The following STK39 variants were observed in gnomAD, a reference collection of about 807,000 sequenced individuals.
The protein encoded by STK39 is serine/threonine kinase 39.
In STK39, 20 loss-of-function variants were observed where a neutral mutation model predicts 77.8. The observed-to-expected ratio is 0.26, with a 90% CI of 0.18 to 0.37. The LOEUF (loss-of-function observed/expected upper bound fraction) is 0.37. STK39 is among the 10% of genes least tolerant of loss of function. STK39 has a pLI of 1.00. For missense variants in STK39, 479 were observed against 656.5 expected (o/e 0.73, Z 2.95); for synonymous variants, 246 against 234.1 (o/e 1.05, Z -0.47).
intron 1 of STK39, among the ~76,000 whole-genome samples, chr2:168,230,480 A>T (rs963273434): frequency 1.3e-5 from 2 of 152,210 alleles, no homozygotes; most frequent in African/African-American, 4.8e-5. Flanking sequence ...ACCATCTTAA[A>T]AGAGCCCCAG....
chr2:168,056,245 C>T (rs1001192665), intron 14 of STK39, among the ~76,000 whole-genome samples: 9 of 151,666 alleles, frequency 5.9e-5, no homozygotes, highest in African/African-American at 1.9e-4. Context: ...TACCTGTAGC[C>T]ACAACGTATT....
chr2:168,100,150 T>A (rs989946616), intron 10 of STK39, among the ~76,000 whole-genome samples: 1 of 152,242 alleles, frequency 6.6e-6, no homozygotes, highest in African/African-American at 2.4e-5. Flanking sequence ...TTTTGCAGAC[T>A]ATTTCAAGGT....
At chr2:168,218,126 G>C (rs1012767681) in intron 1 of STK39, among the ~76,000 whole-genome samples, 1 of 152,188 alleles carries the variant, frequency 6.6e-6, no homozygotes, top group Non-Finnish European at 1.5e-5. Context: ...AAAGGGAATT[G>C]TAATGGAGAA....
At chr2:167,959,937 AG>A (rs1248528331) in intron 17 of STK39, among the ~76,000 whole-genome samples, 1 of 152,196 alleles carries the variant, frequency 6.6e-6, no homozygotes, top group Non-Finnish European at 1.5e-5. Flanking sequence ...ATCCCCTAGA[AG>A]GGTCTCAGGG....
intron 5 of STK39, among the ~76,000 whole-genome samples, chr2:168,149,482 A>T (rs1208619770): frequency 6.6e-6 from 1 of 152,220 alleles, no homozygotes; most frequent in Non-Finnish European, 1.5e-5. Flanking sequence ...AAATGCCCAG[A>T]CTTCTTGCTA....
At chr2:168,009,819 G>A (rs1574388326) in intron 16 of STK39, among the ~76,000 whole-genome samples, 1 of 152,100 alleles carries the variant, frequency 6.6e-6, no homozygotes, top group African/African-American at 2.4e-5. Flanking sequence ...GTTTTTGGAA[G>A]AATAATTAAC....
intron 16 of STK39, among the ~76,000 whole-genome samples, chr2:167,966,455 T>C (rs12613574): frequency 0.19 from 29,087 of 152,158 alleles, 3,006 homozygotes; most frequent in East Asian, 0.43. Flanking sequence ...TGAGTGGCCA[T>C]AAATTCTTCG....
At chr2:167,988,655 GAA>G (rs559681133) in intron 16 of STK39, among the ~76,000 whole-genome samples, 2 of 148,086 alleles carry the variant, frequency 1.4e-5, no homozygotes, top group South Asian at 2.1e-4. Context: ...GTTAATATGA[GAA>G]AAAAAAAAGT....
At chr2:168,226,663 A>G (rs1432327163) in intron 1 of STK39, among the ~76,000 whole-genome samples, 1 of 149,592 alleles carries the variant, frequency 6.7e-6, no homozygotes, top group Non-Finnish European at 1.5e-5. Flanking sequence ...CTGACCTTAG[A>G]TATTTTAGGT....
At chr2:168,079,773 C>T (rs543267019) in intron 10 of STK39, among the ~76,000 whole-genome samples, 10 of 152,328 alleles carry the variant, frequency 6.6e-5, no homozygotes, top group Admixed American at 3.9e-4. Context: ...CCAGCCTAGC[C>T]CCTTGCCCCT....
chr2:168,125,577 G>A (rs1391208263), intron 10 of STK39, among the ~76,000 whole-genome samples: 1 of 152,088 alleles, frequency 6.6e-6, no homozygotes, highest in Non-Finnish European at 1.5e-5. Flanking sequence ...TTCACCACAT[G>A]CCTGGGCCCC....
chr2:168,002,880 C>A (rs1458693197), intron 16 of STK39, among the ~76,000 whole-genome samples: 2 of 152,192 alleles, frequency 1.3e-5, no homozygotes, highest in African/African-American at 4.8e-5. Context: ...TTCATTTGGG[C>A]CTGGTTTCCC....
intron 16 of STK39, among the ~76,000 whole-genome samples, chr2:167,999,402 C>G (rs770632845): frequency 2.6e-5 from 4 of 152,130 alleles, no homozygotes; most frequent in Non-Finnish European, 4.4e-5. Context: ...GGCAAGGACC[C>G]TGTTTTGTTA....
At position 168,070,180 on chromosome 2, in the gene STK39, C is replaced by G. The variant is rs1276395587; in HGVS notation, c.1243-4799G>C. Among the ~76,000 whole-genome samples the G allele has an allele frequency of 3.9e-5, 6 of 152,202 alleles. No homozygotes were observed. The East Asian group carries it at 9.7e-4, about 25-fold the overall frequency. ...CTGTCCTTGCAAATACCACCCCTTC[C>G]CCGACCCCCAAAGAGATGAAAAGCA... On this transcript the variant is annotated intron_variant, in intron 12 of 17. Transcript: ENST00000355999.
intron 12 of STK39, among the ~76,000 whole-genome samples, chr2:168,071,713 CA>C (rs2105398719): frequency 6.6e-6 from 1 of 151,876 alleles, no homozygotes; most frequent in East Asian, 1.9e-4. Context: ...ACTAAAAATA[CA>C]AAAAATTAGC....
At chr2:168,167,644 C>G (rs1008783551) in intron 2 of STK39, among the ~76,000 whole-genome samples, 1 of 152,204 alleles carries the variant, frequency 6.6e-6, no homozygotes, top group African/African-American at 2.4e-5. Context: ...AGCTACCAGA[C>G]ACAGGAACTT....
chr2:168,202,012 G>C (rs183547579), intron 1 of STK39, among the ~76,000 whole-genome samples: 2 of 152,156 alleles, frequency 1.3e-5, no homozygotes, highest in Non-Finnish European at 2.9e-5. Flanking sequence ...AGAAAACAAC[G>C]AGCCAGAGCT....
intron 12 of STK39, among the ~76,000 whole-genome samples, chr2:168,070,908 C>T (rs1266675000): frequency 6.6e-6 from 1 of 152,136 alleles, no homozygotes; most frequent in East Asian, 1.9e-4. Context: ...TAAAATCTTA[C>T]AGATTATACT....
chr2:168,221,686 A>C (rs1027998335), intron 1 of STK39, among the ~76,000 whole-genome samples: 1 of 152,142 alleles, frequency 6.6e-6, no homozygotes, highest in African/African-American at 2.4e-5. Flanking sequence ...CAAAGGGTAT[A>C]ATCATTTCCC....
Sources: allele counts gnomAD v4.1 joint callset (sites outside exome capture counted in the v4.1 genomes callset), GRCh38; gene constraint gnomAD v4.1.1; transcripts MANE v1.5; gene names NCBI Gene and HGNC (gene_info 2026-07-23, HGNC 2026-07-21).